Variants in JPH3 observed in about 807,000 individuals in gnomAD.
JPH3 encodes the protein junctophilin-3.
JPH3 carries 11 observed loss-of-function variants against 59.6 expected under a neutral mutation model. The observed-to-expected ratio is 0.18, with a 90% CI of 0.12 to 0.31. The LOEUF (loss-of-function observed/expected upper bound fraction) is 0.31. Ranked by LOEUF, JPH3 falls within the 10% of genes least tolerant of loss-of-function variation. JPH3 has a pLI of 1.00. For synonymous variants in JPH3, 673 were observed against 483.6 expected (o/e 1.39, Z -5.14); for missense variants, 1,202 against 1,105.7 (o/e 1.09, Z -1.24).
chr16:87,672,695 G>A (rs763368065), intron 2 of JPH3, among the ~76,000 whole-genome samples: 45 of 152,366 alleles, frequency 3.0e-4, no homozygotes, highest in Non-Finnish European at 5.1e-4. Flanking sequence ...GGGTGTCCAC[G>A]TGGCTGGCCA....
chr16:87,623,510 C>T (rs1264102268), intron 1 of JPH3, among the ~76,000 whole-genome samples: 8 of 152,220 alleles, frequency 5.3e-5, no homozygotes, highest in African/African-American at 1.4e-4. Context: ...CTTGAGGCAT[C>T]TTCTAGTTTA....
chr16:87,645,036 G>C lies in JPH3; in HGVS notation c.1160+1G>C. Reference sequence around the variant, plus strand: ...AGAAGGCTGAGATCGCGGCTTCCAGGTAGGAGGGCGAGGGGGCGGGGGGCC... The same window carrying C: ...AGAAGGCTGAGATCGCGGCTTCCAGCTAGGAGGGCGAGGGGGCGGGGGGCC... On this transcript the variant is annotated splice_donor_variant, in intron 2 of 4. Coordinates refer to ENST00000284262, the MANE Select transcript of JPH3 (RefSeq NM_020655.4). LOFTEE classifies it high-confidence loss of function. 6.3e-7 allele frequency: 1 copy of C among 1,598,992 alleles called. No homozygotes were observed. The highest frequency in any genetic ancestry group is 8.5e-7 in the Non-Finnish European group (1 of 1,177,838).
intron 1 of JPH3, among the ~76,000 whole-genome samples, chr16:87,627,109 G>T (rs55655706): frequency 6.6e-6 from 1 of 152,200 alleles, no homozygotes; most frequent in Non-Finnish European, 1.5e-5. Flanking sequence ...TCTCTGGGCC[G>T]GGGGGCGAGG....
chr16:87,695,518 G>C (rs1400215981), intron 4 of JPH3: 2 of 454,728 alleles, frequency 4.4e-6, no homozygotes, highest in South Asian at 1.5e-5. Context: ...GTGGCTGCGA[G>C]ATGCAGGGCG....
intron 3 of JPH3, among the ~76,000 whole-genome samples, chr16:87,687,390 C>T (rs78740895): frequency 1.3e-5 from 2 of 152,338 alleles, no homozygotes; most frequent in East Asian, 3.9e-4. Flanking sequence ...AGCGCTTCGG[C>T]TGCAGAGAGT....
At chr16:87,691,998 C>T (rs943604314) in intron 4 of JPH3, among the ~76,000 whole-genome samples, 3 of 152,132 alleles carry the variant, frequency 2.0e-5, no homozygotes, top group Non-Finnish European at 2.9e-5. Flanking sequence ...AAGCTGGGGA[C>T]AAGTGCCAAG....
chr16:87,693,711 G>C (rs944212864), intron 4 of JPH3: 1 of 152,422 alleles, frequency 6.6e-6, no homozygotes. Context: ...TAGGGCCTGA[G>C]GGCTCCAATC....
chr16:87,606,610 G>A (rs115598896), intron 1 of JPH3, among the ~76,000 whole-genome samples: 2,366 of 152,278 alleles, frequency 0.016, 74 homozygotes, highest in African/African-American at 0.054. Flanking sequence ...CTCTGAGCTT[G>A]TTTCTTCATC....
At chr16:87,645,881 G>A (rs945636347) in intron 2 of JPH3, among the ~76,000 whole-genome samples, 1 of 152,238 alleles carries the variant, frequency 6.6e-6, no homozygotes, top group Admixed American at 6.5e-5. Flanking sequence ...CCCACAGGTA[G>A]GCATTTGGGT....
intron 2 of JPH3, among the ~76,000 whole-genome samples, chr16:87,673,573 A>G (rs1003228363): frequency 6.6e-6 from 1 of 152,220 alleles, no homozygotes; most frequent in South Asian, 2.1e-4. Context: ...ATAGGAGAAC[A>G]TGGAAGACAG....
At chr16:87,602,380 C>G (rs1402538613), upstream of JPH3, among the ~76,000 whole-genome samples, 1 of 122,510 alleles carries the variant, frequency 8.2e-6, no homozygotes, top group Non-Finnish European at 1.7e-5. Context: ...CCCTAGCCTG[C>G]TGGGCCGCGC....
In JPH3 at chr16:87,677,223, CACA is replaced by C. The variant is rs1185182196; in HGVS notation, c.1161-6917_1161-6915del. Among the ~76,000 whole-genome samples the C allele has an allele frequency of 2.1e-3, 239 of 111,446 alleles. 1 individual carries two copies. Among genetic ancestry groups the C allele is most frequent in the Non-Finnish European group, 3.3e-3 (182 of 54,622 alleles). The allele number at this position is 111,446 out of a possible 152,430, so 73.1% of individuals were successfully genotyped here. ...ACACACACACACACACACACACACA[CACA>C]AAAAAAAAAATTAGCCGGGTGTGGT... On this transcript the variant is annotated intron_variant, in intron 2 of 4. Coordinates refer to ENST00000284262, the MANE Select transcript of JPH3 (RefSeq NM_020655.4).
chr16:87,644,141 A>G, intron 1 of JPH3, 117 bp from the exon 2 acceptor site: 1 of 1,161,820 alleles, frequency 8.6e-7, no homozygotes, highest in Non-Finnish European at 1.2e-6. Context: ...CTGTCTCAAA[A>G]AACACAAAAC....
chr16:87,676,180 T>C (rs2033137485), intron 2 of JPH3, among the ~76,000 whole-genome samples: 1 of 152,222 alleles, frequency 6.6e-6, no homozygotes, highest in South Asian at 2.1e-4. Flanking sequence ...ATGTGCTCTT[T>C]TTATGTGTTT....
rs779846817 is a variant in JPH3 at position 87,644,679 on chromosome 16, G to C, written c.804G>C (p.Glu268Asp). The change falls in exon 2 of 5, where the codon GAG becomes GAC. Residue 268 changes from glutamate to aspartate, a missense_variant. Physicochemically the swap from Glu to Asp is conservative, Grantham distance 45. Coordinates refer to ENST00000284262, the MANE Select transcript of JPH3 (RefSeq NM_020655.4). Reference protein sequence around the residue: ...SDIHSTISLGEAEAELAVIED... With the variant: ...SDIHSTISLGDAEAELAVIED... ...TCCACTCCACCATCAGCCTGGGCGA[G>C]GCTGAGGCCGAGCTGGCGGTCATCG... The C allele has an allele frequency of 3.7e-6, 6 of 1,611,918 alleles. No individual in the cohort carries two copies. The highest frequency in any genetic ancestry group is 5.1e-6 in the Non-Finnish European group (6 of 1,179,918).
intron 1 of JPH3, among the ~76,000 whole-genome samples, chr16:87,634,465 C>T (rs1219478486): frequency 6.6e-6 from 1 of 152,216 alleles, no homozygotes; most frequent in African/African-American, 2.4e-5. Flanking sequence ...GGAGGCCTGG[C>T]CGCCTTCCCA....
intron 2 of JPH3, among the ~76,000 whole-genome samples, chr16:87,671,669 C>T (rs2033019158): frequency 6.6e-6 from 1 of 151,870 alleles, no homozygotes; most frequent in African/African-American, 2.4e-5. Flanking sequence ...CTCAGCCCTG[C>T]ACCCGGGCTC....
At chr16:87,610,372 G>A (rs2030686706) in intron 1 of JPH3, among the ~76,000 whole-genome samples, 1 of 152,154 alleles carries the variant, frequency 6.6e-6, no homozygotes, top group South Asian at 2.1e-4. Context: ...AGTGCAGAAA[G>A]CTTTATTGGG....
At chr16:87,679,871 C>A (rs1259157569) in intron 2 of JPH3, among the ~76,000 whole-genome samples, 1 of 152,266 alleles carries the variant, frequency 6.6e-6, no homozygotes, top group Non-Finnish European at 1.5e-5. Context: ...AGGCCCCCAG[C>A]TGGTCTTGGG....
Sources: gnomAD v4.1 joint callset for allele counts (sites outside exome capture counted in the v4.1 genomes callset) on GRCh38, gnomAD v4.1.1 for gene constraint, MANE v1.5 for transcripts, NCBI Gene and HGNC (gene_info 2026-07-23, HGNC 2026-07-21) for gene names.